The following RALGAPA2 variants were observed in gnomAD, a reference collection of about 807,000 sequenced individuals.
RALGAPA2 encodes ral GTPase-activating protein subunit alpha-2.
A neutral mutation model predicts 230.4 loss-of-function variants in RALGAPA2; 139 were observed. The observed-to-expected ratio is 0.60, with a 90% CI of 0.53 to 0.69. The LOEUF is 0.69. RALGAPA2 is among the 30% of genes least tolerant of loss of function. The pLI is 0.00. For synonymous variants in RALGAPA2, 847 were observed against 837.8 expected (o/e 1.01, Z -0.19); for missense variants, 2,163 against 2,276.0 (o/e 0.95, Z 1.01).
intron 37 of RALGAPA2, among the ~76,000 whole-genome samples, chr20:20,438,157 A>G (rs1273584977): frequency 6.6e-6 from 1 of 152,230 alleles, no homozygotes; most frequent in African/African-American, 2.4e-5. Flanking sequence ...ATAAATAGGA[A>G]CATACCACAG....
chr20:20,508,965 T>C (rs774472187), intron 33 of RALGAPA2, among the ~76,000 whole-genome samples: 20 of 152,230 alleles, frequency 1.3e-4, no homozygotes, highest in Non-Finnish European at 2.4e-4. Context: ...AATTCAATTG[T>C]ACCTCATGCA....
In RALGAPA2 at chr20:20,470,223, GC is replaced by G. The variant is rs1214719501; in HGVS notation, c.5495+2605del. On this transcript the variant is annotated intron_variant, in intron 37 of 39. Coordinates refer to ENST00000202677, the MANE Select transcript of RALGAPA2 (RefSeq NM_020343.4). ...CAAAGGGAAAATTTGCTCCAGCAAT[GC>G]CCCCATCCTTAGCTTAATTAGAAAT... 3.9e-5 allele frequency among the ~76,000 whole-genome samples: 6 copies of G among 152,266 alleles called. No homozygotes were observed. In the East Asian group the frequency reaches 9.6e-4, roughly 24 times the overall value.
At chr20:20,519,469 G>A (rs543819528) in intron 31 of RALGAPA2, among the ~76,000 whole-genome samples, 67 of 152,188 alleles carry the variant, frequency 4.4e-4, no homozygotes, top group Admixed American at 8.5e-4. Flanking sequence ...CACAAAAGGA[G>A]TCTGACTCAG....
Position 20,538,774 on chromosome 20 carries a change from C to CAG in RALGAPA2, c.3286-1992_3286-1991dup, listed in dbSNP as rs2063563870. Reference sequence around the variant, plus strand: ...TGAATGCATGCGTCTTTGTGGAGTGCAGAGAGAGAGAAGTGATGACAGAGG... The same window carrying CAG: ...TGAATGCATGCGTCTTTGTGGAGTGCAGAGAGAGAGAGAAGTGATGACAGAGG... On this transcript the variant is annotated intron_variant, in intron 24 of 39. Coordinates refer to ENST00000202677, the MANE Select transcript of RALGAPA2 (RefSeq NM_020343.4). Among the ~76,000 whole-genome samples the CAG allele has an allele frequency of 2.6e-5, 4 of 151,916 alleles. No individual in the cohort carries two copies. In the South Asian group the frequency reaches 8.3e-4, roughly 32 times the overall value.
At chr20:20,574,524 C>T (rs114672889) in intron 20 of RALGAPA2, among the ~76,000 whole-genome samples, 1,528 of 152,202 alleles carry the variant, frequency 0.01, 19 homozygotes, top group African/African-American at 0.034. Context: ...GATTTGAGTA[C>T]GTCTCCAGCT....
intron 37 of RALGAPA2, among the ~76,000 whole-genome samples, chr20:20,443,871 C>T (rs1026617874): frequency 2.0e-5 from 3 of 152,248 alleles, no homozygotes; most frequent in African/African-American, 4.8e-5. Context: ...AATCTCGAGT[C>T]CATCTCTCAC....
intron 26 of RALGAPA2, among the ~76,000 whole-genome samples, chr20:20,532,147 G>A (rs2063383707): frequency 6.6e-6 from 1 of 152,126 alleles, no homozygotes; most frequent in Non-Finnish European, 1.5e-5. Context: ...ACATAAATCT[G>A]AGAAAACTGT....
At position 20,589,366 on chromosome 20, in the gene RALGAPA2, C is replaced by G. The variant is rs1393417146; in HGVS notation, c.2342-1G>C. The G allele has an allele frequency of 6.3e-7, 1 of 1,578,912 alleles. No individual in the cohort carries two copies. Among genetic ancestry groups the G allele is most frequent in the Admixed American group, 1.8e-5 (1 of 54,646 alleles). Reference sequence around the variant, plus strand: ...TTCTGTGTGTTTTCTGCCTTTTGACCTAGAAATGGTGGGGCAGGGGGGTAG... The same window carrying G: ...TTCTGTGTGTTTTCTGCCTTTTGACGTAGAAATGGTGGGGCAGGGGGGTAG... On this transcript the variant is annotated splice_acceptor_variant, in intron 17 of 39. Transcript: ENST00000202677. LOFTEE classifies it high-confidence loss of function.
chr20:20,554,320 A>G (rs1568572435), intron 23 of RALGAPA2, among the ~76,000 whole-genome samples: 1 of 152,250 alleles, frequency 6.6e-6, no homozygotes, highest in East Asian at 1.9e-4. Flanking sequence ...GTTGTGGCAC[A>G]TAATACTTTA....
chr20:20,481,952 TA>T (rs376905100), intron 36 of RALGAPA2, among the ~76,000 whole-genome samples: 174 of 151,200 alleles, frequency 1.2e-3, no homozygotes, highest in African/African-American at 4.0e-3. Flanking sequence ...AGAGGCAAGG[TA>T]AAAAAAAACC....
chr20:20,393,155 TG>T lies in RALGAPA2; in HGVS notation c.*133del. The T allele has an allele frequency of 2.2e-6, 3 of 1,360,698 alleles. No homozygotes were observed. The highest frequency in any genetic ancestry group is 2.9e-6 in the Non-Finnish European group (3 of 1,019,354). 84.3% of individuals were successfully genotyped at this position (1,360,698 alleles called of 1,614,324 possible). A position where few individuals can be genotyped will look rare whatever the true frequency, so the allele number is the denominator to read the frequency against. On this transcript the variant is annotated 3_prime_UTR_variant, in exon 40 of 40. Coordinates refer to ENST00000202677, the MANE Select transcript of RALGAPA2 (RefSeq NM_020343.4). ...CAGCAACGAAATTTCCTGGAGATTCTGGGTTTAGTGGCTCGGGGCAGAGGCA... is the reference window on the plus strand; with the variant it reads ...CAGCAACGAAATTTCCTGGAGATTCTGGTTTAGTGGCTCGGGGCAGAGGCA...
chr20:20,444,458 G>A (rs994681880), intron 37 of RALGAPA2, among the ~76,000 whole-genome samples: 1 of 151,652 alleles, frequency 6.6e-6, no homozygotes, highest in Non-Finnish European at 1.5e-5. Flanking sequence ...ATACACACAC[G>A]CACAGACACA....
intron 39 of RALGAPA2, among the ~76,000 whole-genome samples, chr20:20,393,475 G>T (rs1245534506): frequency 1.3e-5 from 2 of 152,206 alleles, no homozygotes; most frequent in Non-Finnish European, 2.9e-5. Flanking sequence ...CAGCATAAAA[G>T]AAGCTATGAA....
At chr20:20,465,178 C>CACACAT (rs1289398234) in intron 37 of RALGAPA2, among the ~76,000 whole-genome samples, 1 of 150,910 alleles carries the variant, frequency 6.6e-6, no homozygotes, top group Non-Finnish European at 1.5e-5. Context: ...CACACACACA[C>CACACAT]ACACACACAC....
At chr20:20,697,458 A>C (rs6082108) in intron 1 of RALGAPA2, among the ~76,000 whole-genome samples, 6,963 of 152,304 alleles carry the variant, frequency 0.046, 254 homozygotes, top group East Asian at 0.16. Context: ...CACAAAAGTC[A>C]ATGAATGTCA....
intron 37 of RALGAPA2, 117 bp from the exon 38 acceptor site, chr20:20,412,265 T>C: frequency 1.0e-5 from 14 of 1,338,688 alleles, no homozygotes; most frequent in Admixed American, 2.0e-5. Flanking sequence ...ATCCTGCAGG[T>C]TCTTTACCAT....
chr20:20,644,340 G>T (rs1402325093), intron 4 of RALGAPA2, among the ~76,000 whole-genome samples: 4 of 152,152 alleles, frequency 2.6e-5, no homozygotes, highest in African/African-American at 9.7e-5. Context: ...CTGATGAAAA[G>T]TTTGTGATAG....
chr20:20,600,524 G>C (rs1281736957), intron 16 of RALGAPA2, among the ~76,000 whole-genome samples: 1 of 152,090 alleles, frequency 6.6e-6, no homozygotes, highest in Non-Finnish European at 1.5e-5. Flanking sequence ...GTATGAGAGA[G>C]TTACAGTTAA....
chr20:20,427,010 T>C (rs570967990), intron 37 of RALGAPA2, among the ~76,000 whole-genome samples: 10 of 152,352 alleles, frequency 6.6e-5, no homozygotes, highest in African/African-American at 2.4e-4. Flanking sequence ...AAAAGTGTTC[T>C]GTTCCACCTC....
Sources: allele counts gnomAD v4.1 joint callset (sites outside exome capture counted in the v4.1 genomes callset), GRCh38; gene constraint gnomAD v4.1.1; transcripts MANE v1.5; gene names NCBI Gene and HGNC (gene_info 2026-07-23, HGNC 2026-07-21).